PIP: variants seen among roughly 807,000 people sequenced by gnomAD.
PIP encodes prolactin induced protein, also known as prolactin-inducible protein.
PIP carries 9 observed loss-of-function variants against 12.8 expected under a neutral mutation model. That is an observed-to-expected ratio of 0.70 (90% CI 0.42 to 1.23). The LOEUF (loss-of-function observed/expected upper bound fraction) is 1.23, where lower values mean the gene tolerates loss of function less well. PIP is among the 50% of genes most tolerant of loss of function. PIP has a pLI of 0.00. For synonymous variants in PIP, 60 were observed against 66.1 expected, an observed-to-expected ratio of 0.91 and a Z score of 0.45; for missense variants, 172 against 179.5, an observed-to-expected ratio of 0.96 and a Z score of 0.24.
intron 1 of PIP, among the ~76,000 whole-genome samples, chr7:143,134,869 G>GT (rs1300077361): frequency 1.3e-5 from 2 of 151,982 alleles, no homozygotes; most frequent in Non-Finnish European, 2.9e-5. Flanking sequence ...GCATGTGCAA[G>GT]TATCTTTTCT....
intron 1 of PIP, 133 bp from the exon 2 acceptor site, chr7:143,135,061 C>T (rs1262419081): frequency 9.8e-6 from 5 of 509,332 alleles, no homozygotes; most frequent in Non-Finnish European, 1.8e-5. Flanking sequence ...GATTCCAATG[C>T]TGAACAATTG....
intron 2 of PIP, 59 bp from the exon 3 acceptor site, chr7:143,139,016 C>T (rs541980901): frequency 2.2e-6 from 2 of 897,538 alleles, no homozygotes; most frequent in Admixed American, 1.7e-5. Flanking sequence ...CTATTTTTCC[C>T]TCCCTTACCC....
At chr7:143,132,886 C>A (rs757441551) in intron 1 of PIP, among the ~76,000 whole-genome samples, 1 of 151,994 alleles carries the variant, frequency 6.6e-6, no homozygotes, top group Non-Finnish European at 1.5e-5. Context: ...AGCAGCGATA[C>A]CCAATCTAGG....
intron 2 of PIP, among the ~76,000 whole-genome samples, chr7:143,136,619 C>T (rs567254210): frequency 3.9e-5 from 6 of 152,088 alleles, no homozygotes; most frequent in African/African-American, 1.4e-4. Flanking sequence ...AGAATAAGAA[C>T]ATGTACATAA....
At chr7:143,134,467 C>T (rs559243119) in intron 1 of PIP, among the ~76,000 whole-genome samples, 3 of 151,490 alleles carry the variant, frequency 2.0e-5, no homozygotes, top group Admixed American at 6.6e-5. Context: ...TAGCAGTTTA[C>T]ATTCCCGTCA....
chr7:143,134,183 C>CATATATATAT (rs60656573), intron 1 of PIP, among the ~76,000 whole-genome samples: 3 of 41,662 alleles, frequency 7.2e-5, no homozygotes, highest in African/African-American at 8.8e-5. Context: ...AGTATTCCAT[C>CATATATATAT]ATATATATAT....
chr7:143,135,619 A>G (rs773451245), intron 2 of PIP, among the ~76,000 whole-genome samples: 1 of 152,036 alleles, frequency 6.6e-6, no homozygotes, highest in South Asian at 2.1e-4. Context: ...GGTCCTGAGC[A>G]TGTTTAGTTT....
chr7:143,137,649 C>T (rs1024731556), intron 2 of PIP, among the ~76,000 whole-genome samples: 1 of 152,062 alleles, frequency 6.6e-6, no homozygotes, highest in Non-Finnish European at 1.5e-5. Flanking sequence ...CCTGTAATCC[C>T]AGCACTTTGG....
At chr7:143,136,920 AT>A (rs1332840585) in intron 2 of PIP, among the ~76,000 whole-genome samples, 7 of 151,824 alleles carry the variant, frequency 4.6e-5, no homozygotes, top group Non-Finnish European at 4.4e-5. Flanking sequence ...TAGTCAACAA[AT>A]TTTTATTTGT....
intron 1 of PIP, among the ~76,000 whole-genome samples, chr7:143,134,183 CATATAT>C (rs60656573): frequency 0.069 from 2,821 of 41,048 alleles, 131 homozygotes; most frequent in Admixed American, 0.091. Context: ...AGTATTCCAT[CATATAT>C]ATATATATAT....
intron 1 of PIP, 22 bp from the exon 2 acceptor site, chr7:143,135,172 G>C (rs1799294679): frequency 7.7e-7 from 1 of 1,305,506 alleles, no homozygotes; most frequent in South Asian, 1.2e-5. Context: ...CTGGTGTTCT[G>C]ATTCTCTCTT....
Position 143,132,228 on chromosome 7 carries a change from T to C in PIP, c.95+17T>C. The C allele has an allele frequency of 6.2e-7, 1 of 1,610,886 alleles. No individual in the cohort carries two copies. The highest frequency in any genetic ancestry group is 8.5e-7 in the Non-Finnish European group (1 of 1,178,386). The stretch of plus-strand genomic sequence containing the variant: ...GGACAACACGTGAGCCATGCCCTTC[T>C]CCTCCCCACAAAAAAAATTGCAGGG... On this transcript the variant is annotated intron_variant, in intron 1 of 3. Transcript: ENST00000291009.
At chr7:143,136,358 A>G (rs1170478900) in intron 2 of PIP, among the ~76,000 whole-genome samples, 2 of 152,100 alleles carry the variant, frequency 1.3e-5, no homozygotes, top group Admixed American at 6.5e-5. Context: ...AGACTTAAGG[A>G]CAATGATTAC....
chr7:143,135,175 T>C lies in PIP; in HGVS notation c.96-19T>C. Reference sequence around the variant, plus strand: ...TGGTCTCTGATCCTGGTGTTCTGATTCTCTCTTCCCACAATCAGTCGGAAG... The same window carrying C: ...TGGTCTCTGATCCTGGTGTTCTGATCCTCTCTTCCCACAATCAGTCGGAAG... On this transcript the variant is annotated intron_variant, in intron 1 of 3. Transcript: ENST00000291009. 7.4e-7 allele frequency: 1 copy of C among 1,343,138 alleles called. No homozygotes were observed. Among genetic ancestry groups the C allele is most frequent in the Non-Finnish European group, 1.1e-6 (1 of 935,684 alleles). The allele number at this position is 1,343,138 out of a possible 1,614,324, so 83.2% of individuals were successfully genotyped here.
chr7:143,137,448 T>C (rs1306252849), intron 2 of PIP, among the ~76,000 whole-genome samples: 2 of 152,158 alleles, frequency 1.3e-5, no homozygotes, highest in South Asian at 2.1e-4. Context: ...ATCTGTGTGA[T>C]GGATGTTGTT....
chr7:143,134,183 C>CATATATATATATAT (rs60656573), intron 1 of PIP, among the ~76,000 whole-genome samples: 1 of 41,664 alleles, frequency 2.4e-5, no homozygotes, highest in Non-Finnish European at 4.3e-5. Flanking sequence ...AGTATTCCAT[C>CATATATATATATAT]ATATATATAT....
At position 143,135,389 on chromosome 7, in the gene PIP, G is replaced by C. The variant is rs1294548043; in HGVS notation, c.201+90G>C. ...TAATCTCTCACTTTAATAATGTACA[G>C]TGTACTTAATGAAACATTCTCACTT... is the stretch of plus-strand genomic sequence containing the variant. On this transcript the variant is annotated intron_variant, in intron 2 of 3. Transcript: ENST00000291009. 9 of 615,304 alleles carry C rather than the reference G, an allele frequency of 1.5e-5. No individual in the cohort carries two copies. The Admixed American group carries it at 2.1e-4, about 15-fold the overall frequency. The allele number at this position is 615,304 out of a possible 1,614,324, so 38.1% of individuals were successfully genotyped here.
chr7:143,139,294 G>A (rs1563017241), intron 3 of PIP, 105 bp downstream of exon 3: 3 of 867,204 alleles, frequency 3.5e-6, no homozygotes, highest in Admixed American at 1.8e-5. Flanking sequence ...AGGACCTCAG[G>A]GCAGAAGGAC....
At position 143,135,319 on chromosome 7, in the gene PIP, C is replaced by A; in HGVS notation, c.201+20C>A. On this transcript the variant is annotated intron_variant, in intron 2 of 3. Coordinates refer to ENST00000291009, the MANE Select transcript of PIP (RefSeq NM_002652.3). ...ATGGTGGTAAGTAGAGGACTGGGGGCGTGACTTCAAAAGATAATTCAACTC... is the reference window on the plus strand; with the variant it reads ...ATGGTGGTAAGTAGAGGACTGGGGGAGTGACTTCAAAAGATAATTCAACTC... 8.7e-7 allele frequency: 1 copy of A among 1,155,812 alleles called. No individual in the cohort carries two copies. Among genetic ancestry groups the A allele is most frequent in the Non-Finnish European group, 1.3e-6 (1 of 766,754 alleles). The allele number at this position is 1,155,812 out of a possible 1,614,324, so 71.6% of individuals were successfully genotyped here.
Sources: allele counts gnomAD v4.1 joint callset (sites outside exome capture counted in the v4.1 genomes callset), GRCh38; gene constraint gnomAD v4.1.1; transcripts MANE v1.5; gene names NCBI Gene and HGNC (gene_info 2026-07-23, HGNC 2026-07-21).